The following MAP6D1 variants were observed in gnomAD, a reference collection of about 807,000 sequenced individuals.
MAP6D1 encodes the protein MAP6 domain containing 1.
A neutral mutation model predicts 17.4 loss-of-function variants in MAP6D1; 13 were observed. The ratio of observed to expected loss-of-function variants is 0.75; its 90% CI spans 0.49 to 1.19. The LOEUF (loss-of-function observed/expected upper bound fraction) is 1.19. Ranked by LOEUF, MAP6D1 falls within the 50% of genes most tolerant of loss-of-function variation. The pLI, the probability that MAP6D1 is intolerant of heterozygous loss-of-function variation, is 0.00. For missense variants in MAP6D1, 313 were observed against 312.6 expected (o/e 1.00, Z -0.01); for synonymous variants, 141 against 145.7 (o/e 0.97, Z 0.23).
chr3:183,818,799 G>A (rs976626736), intron 1 of MAP6D1, among the ~76,000 whole-genome samples: 4 of 152,242 alleles, frequency 2.6e-5, no homozygotes, highest in Middle Eastern at 3.2e-3. Context: ...GCATGGTGGA[G>A]GGAGTGGATC....
chr3:183,817,243 G>C lies in MAP6D1; in HGVS notation c.*113C>G. On this transcript the variant is annotated 3_prime_UTR_variant, in exon 3 of 3. Coordinates refer to ENST00000318631, the MANE Select transcript of MAP6D1 (RefSeq NM_024871.4). ...CCTGGTGACAGCTTTGAGAGGGGCTGTGCCCTCCCGCAGGGGCCCATGCCA... is the reference window on the plus strand; with the variant it reads ...CCTGGTGACAGCTTTGAGAGGGGCTCTGCCCTCCCGCAGGGGCCCATGCCA... The C allele has an allele frequency of 1.9e-6, 2 of 1,063,244 alleles. No homozygotes were observed. The highest frequency in any genetic ancestry group is 2.8e-6 in the Non-Finnish European group (2 of 712,922). 65.9% of individuals were successfully genotyped at this position (1,063,244 alleles called of 1,614,324 possible). A position where few individuals can be genotyped will look rare whatever the true frequency, so the allele number is the denominator to read the frequency against.
intron 1 of MAP6D1, among the ~76,000 whole-genome samples, chr3:183,819,885 C>A (rs2108562309): frequency 6.6e-6 from 1 of 151,866 alleles, no homozygotes; most frequent in Non-Finnish European, 1.5e-5. Context: ...ACTTGAATAT[C>A]AGCCCTTTAA....
rs1727158615 is a variant in MAP6D1 at position 183,818,004 on chromosome 3, G to A, written c.509C>T (p.Ala170Val). The A allele has an allele frequency of 1.2e-6, 2 of 1,613,968 alleles. No homozygotes were observed. The highest frequency in any genetic ancestry group is 1.7e-6 in the Non-Finnish European group (2 of 1,179,842). The part of the protein sequence containing the change: ...HTSGWDSSPG[A>V]GFQVPEVRKK... ...CAGCTTCCGGCTGACCTGGAAGCCGGCCCCAGGGCTGCTGTCCCATCCCGA... is the reference window on the plus strand; with the variant it reads ...CAGCTTCCGGCTGACCTGGAAGCCGACCCCAGGGCTGCTGTCCCATCCCGA... The change falls in exon 2 of 3, where the codon GCC becomes GTC. Residue 170 changes from alanine (A) to valine (V), a missense_variant. Ala to Val is a moderately conservative substitution (Grantham distance 64). Transcript: ENST00000318631.
In MAP6D1 at chr3:183,816,002, CTT is replaced by C. The variant is rs1219685580; in HGVS notation, c.*1352_*1353del. ...ACACCCAGCAGGCAGCCTCTTTTCTCTTAGAAAAATCAAACATGCAAGCCGTG... is the reference window on the plus strand; with the variant it reads ...ACACCCAGCAGGCAGCCTCTTTTCTCAGAAAAATCAAACATGCAAGCCGTG... On this transcript the variant is annotated 3_prime_UTR_variant, in exon 3 of 3. Coordinates refer to ENST00000318631, the MANE Select transcript of MAP6D1 (RefSeq NM_024871.4). 1 of 152,244 alleles carries C rather than the reference CTT, an allele frequency of 6.6e-6. No homozygotes were observed. Among genetic ancestry groups the C allele is most frequent in the African/African-American group, 2.4e-5 (1 of 41,450 alleles). The allele number at this position is 152,244 out of a possible 1,614,324, so 9.4% of individuals were successfully genotyped here.
Position 183,818,893 on chromosome 3 carries a change from G to A in MAP6D1, c.402-782C>T, listed in dbSNP as rs147657919. Reference sequence around the variant, plus strand: ...GGAGGGAGAGGATGAGGCTGGCACCGCTAGCTCCATGTACCGGGAGCAGCT... The same window carrying A: ...GGAGGGAGAGGATGAGGCTGGCACCACTAGCTCCATGTACCGGGAGCAGCT... On this transcript the variant is annotated intron_variant, in intron 1 of 2. Coordinates refer to ENST00000318631, the MANE Select transcript of MAP6D1 (RefSeq NM_024871.4). 8.1e-3 allele frequency among the ~76,000 whole-genome samples: 1,236 copies of A among 152,240 alleles called. 11 individuals carry two copies. The highest frequency in any genetic ancestry group is 0.014 in the Non-Finnish European group (924 of 68,004).
intron 2 of MAP6D1, among the ~76,000 whole-genome samples, 190 bp from the exon 3 acceptor site, chr3:183,817,626 C>T (rs541447507): frequency 3.2e-4 from 49 of 152,250 alleles, no homozygotes; most frequent in African/African-American, 1.1e-3. Context: ...GAGTGGTACA[C>T]GGACCTTCCA....
chr3:183,825,170 A>G lies in MAP6D1; in HGVS notation c.378T>C (p.Ala126=). 1 of 1,460,402 alleles carries G rather than the reference A, an allele frequency of 6.8e-7. No homozygotes were observed. The highest frequency in any genetic ancestry group is 3.0e-5 in the East Asian group (1 of 33,030). 90.5% of individuals were successfully genotyped at this position (1,460,402 alleles called of 1,614,324 possible). Residue 126 remains alanine, a synonymous_variant, in exon 1 of 3, where the codon GCT becomes GCC. Transcript: ENST00000318631. ...YVLPIGDADA[A]AAVTTSYRQE... is the part of the protein sequence containing the mutation. ...ACCTGTACGACGTGGTCACTGCTGCAGCCGCGTCCGCGTCGCCGATGGGCA... is the reference window on the plus strand; with the variant it reads ...ACCTGTACGACGTGGTCACTGCTGCGGCCGCGTCCGCGTCGCCGATGGGCA...
At position 183,825,341 on chromosome 3, in the gene MAP6D1, G is replaced by T; in HGVS notation, c.207C>A (p.Tyr69Ter). 1 of 1,432,342 alleles carries T rather than the reference G, an allele frequency of 7.0e-7. No homozygotes were observed. Among genetic ancestry groups the T allele is most frequent in the Admixed American group, 2.9e-5 (1 of 34,284 alleles). 88.7% of individuals were successfully genotyped at this position (1,432,342 alleles called of 1,614,324 possible). ...DSGRDVPLTQ[Y>*]QRDFGLWTTP... is the part of the protein sequence containing the mutation. Reference sequence around the variant, plus strand: ...TGGTCCACAAGCCGAAGTCCCGCTGGTACTGAGTGAGCGGCACGTCCCGGC... The same window carrying T: ...TGGTCCACAAGCCGAAGTCCCGCTGTTACTGAGTGAGCGGCACGTCCCGGC... Residue 69 changes from tyrosine (Y) to a stop codon, truncating the protein, a stop_gained, in exon 1 of 3, where the codon TAC becomes TAA. Transcript: ENST00000318631. LOFTEE classifies it high-confidence loss of function.
intron 1 of MAP6D1, 60 bp from the exon 2 acceptor site, chr3:183,818,171 C>T: frequency 7.1e-7 from 1 of 1,403,870 alleles, no homozygotes; most frequent in Non-Finnish European, 1.0e-6. Context: ...TACCGACTCC[C>T]CAGGGGCTGC....
Position 183,825,201 on chromosome 3 carries a change from T to A in MAP6D1, c.347A>T (p.Tyr116Phe). The A allele has an allele frequency of 6.9e-7, 1 of 1,449,906 alleles. No homozygotes were observed. Among genetic ancestry groups the A allele is most frequent in the Non-Finnish European group, 9.1e-7 (1 of 1,098,820 alleles). The allele number at this position is 1,449,906 out of a possible 1,614,324, so 89.8% of individuals were successfully genotyped here. ...APPAPGARGV[Y>F]VLPIGDADAA... Reference sequence around the variant, plus strand: ...GTCCGCGTCGCCGATGGGCAGCACGTAGACCCCGCGGGCGCCGGGCGCAGG... The same window carrying A: ...GTCCGCGTCGCCGATGGGCAGCACGAAGACCCCGCGGGCGCCGGGCGCAGG... The change falls in exon 1 of 3, where the codon TAC (tyrosine) becomes TTC (phenylalanine). Residue 116 changes from tyrosine (Y) to phenylalanine (F), a missense_variant. Coordinates refer to ENST00000318631, the MANE Select transcript of MAP6D1 (RefSeq NM_024871.4).
chr3:183,825,070 C>G lies in MAP6D1; in HGVS notation c.401+77G>C. The G allele has an allele frequency of 3.1e-6, 4 of 1,275,970 alleles. No homozygotes were observed. The South Asian group carries it at 8.0e-5, about 25-fold the overall frequency. The allele number at this position is 1,275,970 out of a possible 1,614,324, so 79.0% of individuals were successfully genotyped here. ...AGGCGCCTCCGCTCTGCCGCCCACC[C>G]CATCCCTCTGGCTCCGGGCCTCCGC... is the stretch of plus-strand genomic sequence containing the variant. On this transcript the variant is annotated intron_variant, in intron 1 of 2. Transcript: ENST00000318631.
Position 183,825,155 on chromosome 3 carries a change from C to G in MAP6D1, c.393G>C (p.Thr131=), listed in dbSNP as rs768156877. 2 of 1,452,230 alleles carry G rather than the reference C, an allele frequency of 1.4e-6. No individual in the cohort carries two copies. The highest frequency in any genetic ancestry group is 1.8e-6 in the Non-Finnish European group (2 of 1,100,096). 90.0% of individuals were successfully genotyped at this position (1,452,230 alleles called of 1,614,324 possible). ...CCCTACCCAGCCCATACCTGTACGACGTGGTCACTGCTGCAGCCGCGTCCG... is the reference window on the plus strand; with the variant it reads ...CCCTACCCAGCCCATACCTGTACGAGGTGGTCACTGCTGCAGCCGCGTCCG... ...GDADAAAAVT[T]SYRQEFQAWT... The change falls in exon 1 of 3, where the codon ACG becomes ACC. Residue 131 remains threonine (T), a synonymous_variant. Transcript: ENST00000318631.
chr3:183,820,579 C>T (rs893288840), intron 1 of MAP6D1: 3 of 152,408 alleles, frequency 2.0e-5, no homozygotes, highest in African/African-American at 7.2e-5. Context: ...TCCTGGCCAA[C>T]ATGGTGAAAC....
chr3:183,819,985 GC>G (rs1395241159), intron 1 of MAP6D1, among the ~76,000 whole-genome samples: 2 of 152,248 alleles, frequency 1.3e-5, no homozygotes, highest in African/African-American at 2.4e-5. Context: ...GGCCAAAGAT[GC>G]CCAATGGCCC....
chr3:183,821,541 CTTT>C (rs59131602), intron 1 of MAP6D1, among the ~76,000 whole-genome samples: 6 of 98,114 alleles, frequency 6.1e-5, no homozygotes, highest in South Asian at 3.6e-4. Flanking sequence ...TGAGGGATTG[CTTT>C]TTTTTTTTTT....
At chr3:183,821,395 G>A (rs1017381563) in intron 1 of MAP6D1, among the ~76,000 whole-genome samples, 3 of 152,306 alleles carry the variant, frequency 2.0e-5, no homozygotes, top group African/African-American at 7.2e-5. Flanking sequence ...ACTACACGAA[G>A]GCTGCAGGGG....
rs148521784 is a variant in MAP6D1 at position 183,821,577 on chromosome 3, G to A, written c.402-3466C>T. Among the ~76,000 whole-genome samples the A allele has an allele frequency of 6.4e-5, 8 of 124,704 alleles. No individual in the cohort carries two copies. The South Asian group carries it at 1.2e-3, about 19-fold the overall frequency. The allele number at this position is 124,704 out of a possible 152,430, so 81.8% of individuals were successfully genotyped here. A position where few individuals can be genotyped will look rare whatever the true frequency, so the allele number is the denominator to read the frequency against. ...TTTTTTTTTTTTGAGATGGAGTCTC[G>A]CTCTATTGCCCAGGCAGGAGTGCAG... On this transcript the variant is annotated intron_variant, in intron 1 of 2. Transcript: ENST00000318631.
chr3:183,821,823 C>T (rs894669884), intron 1 of MAP6D1, among the ~76,000 whole-genome samples: 8 of 151,932 alleles, frequency 5.3e-5, no homozygotes, highest in African/African-American at 1.7e-4. Context: ...CCACCACGCC[C>T]GGCCTAATTT....
intron 1 of MAP6D1, among the ~76,000 whole-genome samples, chr3:183,819,123 T>C (rs557743446): frequency 6.6e-6 from 1 of 152,262 alleles, no homozygotes; most frequent in African/African-American, 2.4e-5. Context: ...ACTGCCGGGG[T>C]TGGGCTTCAG....
Sources: allele counts gnomAD v4.1 joint callset (sites outside exome capture counted in the v4.1 genomes callset), GRCh38; gene constraint gnomAD v4.1.1; transcripts MANE v1.5; gene names NCBI Gene and HGNC (gene_info 2026-07-23, HGNC 2026-07-21).